The following CAST variants were observed in gnomAD, a reference collection of about 807,000 sequenced individuals.
CAST encodes MIR583 host.
CAST carries 76 observed loss-of-function variants against 119.6 expected under a neutral mutation model. That is an observed-to-expected ratio of 0.64 (90% CI 0.53 to 0.77). CAST has a LOEUF of 0.77. Among genes scored for constraint, CAST ranks in the 30% least tolerant of loss-of-function variants. The probability of loss-of-function intolerance (pLI) is 0.00; values close to 1 mark genes in which losing one functional copy is unlikely to be tolerated. For missense variants in CAST, 953 were observed against 946.5 expected (o/e 1.01, Z -0.09); for synonymous variants, 319 against 331.6 (o/e 0.96, Z 0.41).
intron 1 of CAST, among the ~76,000 whole-genome samples, chr5:96,556,459 T>C (rs1462760401): frequency 1.3e-5 from 2 of 152,054 alleles, no homozygotes; most frequent in African/African-American, 4.8e-5. Flanking sequence ...TTAAAAACCT[T>C]GAAAAAAATT....
At chr5:96,316,908 C>T in the CAST span, among the ~76,000 whole-genome samples, 38,724 of 151,934 alleles carry the variant, frequency 0.25, 5,660 homozygotes, top group Admixed American at 0.39. Flanking sequence ...TTTTGTTTTC[C>T]GAATATTACA....
At chr5:96,312,910 A>G in the CAST span, among the ~76,000 whole-genome samples, 199 of 152,218 alleles carry the variant, frequency 1.3e-3, no homozygotes, top group Middle Eastern at 3.4e-3. Flanking sequence ...CAAAGATGGT[A>G]CATAACTAGG....
the CAST span, among the ~76,000 whole-genome samples, chr5:96,106,683 A>G: frequency 3.3e-5 from 5 of 151,536 alleles, no homozygotes; most frequent in African/African-American, 4.9e-5. Context: ...CTGGTGCTGA[A>G]AAAAATGTAT....
At position 96,737,585 on chromosome 5, in the gene CAST, G is replaced by A. The variant is rs540772176; in HGVS notation, c.700-264G>A. On this transcript the variant is annotated intron_variant, in intron 10 of 31. Transcript: ENST00000675179. The stretch of plus-strand genomic sequence containing the variant: ...GCAGCTTTAATGAACTTGTACATTT[G>A]TTCATGTATGTAATGCCTGTAGACT... Among the ~76,000 whole-genome samples the A allele has an allele frequency of 2.0e-5, 3 of 152,178 alleles. No homozygotes were observed. The South Asian group carries it at 6.2e-4, about 32-fold the overall frequency.
chr5:96,095,911 A>G, the CAST span, among the ~76,000 whole-genome samples: 2 of 152,238 alleles, frequency 1.3e-5, no homozygotes, highest in Non-Finnish European at 2.9e-5. Flanking sequence ...AGAAAAAAGC[A>G]GTTGTTGACA....
chr5:96,664,848 C>A (rs1306107889), intron 1 of CAST, among the ~76,000 whole-genome samples: 1 of 152,166 alleles, frequency 6.6e-6, no homozygotes, highest in Non-Finnish European at 1.5e-5. Context: ...TAAGAACAAA[C>A]CACATCAATT....
At chr5:96,743,117 A>AT (rs1345280512) in intron 16 of CAST, among the ~76,000 whole-genome samples, 2 of 152,210 alleles carry the variant, frequency 1.3e-5, no homozygotes, top group Non-Finnish European at 2.9e-5. Flanking sequence ...TAAGAGAAGG[A>AT]GATGTCTATA....
chr5:96,340,031 C>T, the CAST span, among the ~76,000 whole-genome samples: 11 of 152,122 alleles, frequency 7.2e-5, no homozygotes, highest in African/African-American at 2.4e-4. Flanking sequence ...ATGAGGAAAG[C>T]ATCACAGAAA....
At chr5:96,630,925 T>A (rs979533717) in intron 1 of CAST, 2 of 104,320 alleles carry the variant, frequency 1.9e-5, no homozygotes, top group African/African-American at 6.3e-5. Context: ...TACAATTGAT[T>A]CTTGTATACT....
At chr5:96,392,744 C>G in the CAST span, 1 of 522,972 alleles carries the variant, frequency 1.9e-6, no homozygotes, top group South Asian at 2.2e-5. Context: ...TCAACTGTGA[C>G]TCCAGAAAGA....
intron 1 of CAST, among the ~76,000 whole-genome samples, chr5:96,562,472 G>C (rs1423843105): frequency 6.6e-6 from 1 of 152,080 alleles, no homozygotes; most frequent in Non-Finnish European, 1.5e-5. Context: ...CAAAAAACTT[G>C]ATAATACATT....
chr5:96,060,009 T>C, the CAST span, among the ~76,000 whole-genome samples: 1 of 152,164 alleles, frequency 6.6e-6, no homozygotes, highest in Non-Finnish European at 1.5e-5. Context: ...AGTAGAATAC[T>C]GCAAACTCCA....
intron 9 of CAST, among the ~76,000 whole-genome samples, chr5:96,731,088 G>C (rs575416869): frequency 6.6e-6 from 1 of 152,216 alleles, no homozygotes; most frequent in South Asian, 2.1e-4. Context: ...CATATATAAC[G>C]TACTGATATC....
At chr5:96,701,805 C>CAAA (rs1259689905) in intron 3 of CAST, among the ~76,000 whole-genome samples, 128 of 123,660 alleles carry the variant, frequency 1.0e-3, no homozygotes, top group South Asian at 6.3e-3. Flanking sequence ...AATCCCACCT[C>CAAA]AAAAAAAAAA....
At chr5:96,125,970 A>G in the CAST span, among the ~76,000 whole-genome samples, 534 of 152,266 alleles carry the variant, frequency 3.5e-3, 2 homozygotes, top group African/African-American at 4.5e-3. Context: ...CTTAAATTCT[A>G]CAGAGTACTT....
At chr5:96,383,929 G>A in the CAST span, among the ~76,000 whole-genome samples, 1 of 152,214 alleles carries the variant, frequency 6.6e-6, no homozygotes, top group African/African-American at 2.4e-5. Flanking sequence ...AGATACTCAA[G>A]ATGTTGAGTT....
the CAST span, among the ~76,000 whole-genome samples, chr5:96,464,163 A>G: frequency 1.3e-5 from 2 of 152,162 alleles, no homozygotes; most frequent in East Asian, 3.9e-4. Context: ...AGATGTGAAC[A>G]CACTTTTACT....
the CAST span, chr5:96,423,391 G>A: frequency 1.9e-6 from 3 of 1,613,850 alleles, no homozygotes; most frequent in East Asian, 6.7e-5. Context: ...TGCCCGTAAT[G>A]CCTTTTTGCC....
At chr5:96,469,033 T>C in the CAST span, among the ~76,000 whole-genome samples, 2 of 152,082 alleles carry the variant, frequency 1.3e-5, no homozygotes, top group African/African-American at 2.4e-5. Flanking sequence ...AAAAACACAT[T>C]TAATGGTTAT....
Sources: gnomAD v4.1 joint callset for allele counts (sites outside exome capture counted in the v4.1 genomes callset) on GRCh38, gnomAD v4.1.1 for gene constraint, MANE v1.5 for transcripts, NCBI Gene and HGNC (gene_info 2026-07-23, HGNC 2026-07-21) for gene names.